RAVER2: variants seen among roughly 807,000 people sequenced by gnomAD.
RAVER2 encodes the protein ribonucleoprotein PTB-binding 2.
Under a neutral mutation model 78.1 loss-of-function variants are expected in RAVER2, and 46 were observed. That is an observed-to-expected ratio of 0.59 (90% CI 0.46 to 0.75). The LOEUF is 0.75. Among genes scored for constraint, RAVER2 ranks in the 30% least tolerant of loss-of-function variants. The pLI, the probability that RAVER2 is intolerant of heterozygous loss-of-function variation, is 0.00. For missense variants in RAVER2, 793 were observed against 837.5 expected, an observed-to-expected ratio of 0.95 and a Z score of 0.66; for synonymous variants, 311 against 313.3, an observed-to-expected ratio of 0.99 and a Z score of 0.08.
At chr1:64,824,903 C>T (rs1169974777) in intron 11 of RAVER2, among the ~76,000 whole-genome samples, 1 of 129,528 alleles carries the variant, frequency 7.7e-6, no homozygotes, top group East Asian at 2.4e-4. Context: ...TGCACTCCAG[C>T]TTGGGCAACA....
At chr1:64,792,395 A>T (rs1652968607) in intron 5 of RAVER2, among the ~76,000 whole-genome samples, 1 of 152,212 alleles carries the variant, frequency 6.6e-6, no homozygotes, top group Non-Finnish European at 1.5e-5. Flanking sequence ...GCAGTCCAAG[A>T]TTATGTATTA....
At chr1:64,759,514 C>T (rs1478672922) in intron 1 of RAVER2, among the ~76,000 whole-genome samples, 4 of 148,476 alleles carry the variant, frequency 2.7e-5, no homozygotes, top group East Asian at 2.0e-4. Context: ...CCACCGCGCC[C>T]GGCCTATTTA....
chr1:64,755,265 C>A (rs1570525825), intron 1 of RAVER2, among the ~76,000 whole-genome samples: 1 of 152,064 alleles, frequency 6.6e-6, no homozygotes, highest in East Asian at 1.9e-4. Flanking sequence ...TTTAGGGGTG[C>A]AACTCATTGT....
chr1:64,754,796 T>C (rs1371352556), intron 1 of RAVER2, among the ~76,000 whole-genome samples: 3 of 152,244 alleles, frequency 2.0e-5, no homozygotes, highest in South Asian at 2.1e-4. Flanking sequence ...GGACTTTACC[T>C]GAGTAGGGAC....
rs372786531 is a variant in RAVER2, at chr1:64,763,448, G to A, written c.250-5208G>A. Among the ~76,000 whole-genome samples, 27 of 152,220 alleles carry A rather than the reference G, an allele frequency of 1.8e-4. 1 individual carries two copies. The South Asian group carries it at 5.6e-3, about 32-fold the overall frequency. On this transcript the variant is annotated intron_variant, in intron 1 of 11. Coordinates refer to ENST00000294428, the Ensembl canonical transcript of RAVER2. ...TATAAGTCAAAGAAATACAAATTAA[G>A]GCCATAGTTGGATACACCATTCCCA...
chr1:64,791,477 A>G (rs1431773834), intron 5 of RAVER2, among the ~76,000 whole-genome samples: 1 of 151,962 alleles, frequency 6.6e-6, no homozygotes, highest in African/African-American at 2.4e-5. Flanking sequence ...TATCAAAGAC[A>G]CTCCTGTAAC....
chr1:64,828,059 C>T (rs1654040431), intron 11 of RAVER2, among the ~76,000 whole-genome samples: 1 of 152,150 alleles, frequency 6.6e-6, no homozygotes, highest in Admixed American at 6.5e-5. Flanking sequence ...CTGGAAGGGT[C>T]ACCACCTATC....
chr1:64,780,409 T>C (rs1319924677), intron 3 of RAVER2, among the ~76,000 whole-genome samples: 2 of 152,042 alleles, frequency 1.3e-5, no homozygotes, highest in Non-Finnish European at 2.9e-5. Context: ...GAAGAAGTAA[T>C]GTGAAGGAAA....
intron 3 of RAVER2, 84 bp downstream of exon 3, chr1:64,778,176 C>T: frequency 1.0e-6 from 1 of 1,001,026 alleles, no homozygotes; most frequent in South Asian, 1.9e-5. Context: ...ATTTATCATA[C>T]CTGTGTGATT....
At chr1:64,827,190 C>T (rs768492575) in intron 11 of RAVER2, among the ~76,000 whole-genome samples, 3 of 152,074 alleles carry the variant, frequency 2.0e-5, no homozygotes, top group Admixed American at 6.5e-5. Flanking sequence ...AGTCACTGTG[C>T]GTCTTAAGAT....
At chr1:64,788,779 G>A (rs1343890540) in intron 4 of RAVER2, among the ~76,000 whole-genome samples, 4 of 138,992 alleles carry the variant, frequency 2.9e-5, no homozygotes, top group African/African-American at 1.1e-4. Context: ...GTGACAGAGC[G>A]AGACTCCGTC....
chr1:64,804,512 C>T (rs951107636), intron 6 of RAVER2, among the ~76,000 whole-genome samples: 1 of 152,024 alleles, frequency 6.6e-6, no homozygotes, highest in Non-Finnish European at 1.5e-5. Context: ...GAGGAGGGAA[C>T]GAAGGATGAA....
intron 9 of RAVER2, among the ~76,000 whole-genome samples, chr1:64,811,893 T>C (rs1391800719): frequency 6.6e-6 from 1 of 152,222 alleles, no homozygotes; most frequent in African/African-American, 2.4e-5. Flanking sequence ...AAAAATATAC[T>C]GATATACATT....
At chr1:64,819,413 G>A (rs781055908) in intron 11 of RAVER2, among the ~76,000 whole-genome samples, 5 of 152,020 alleles carry the variant, frequency 3.3e-5, no homozygotes, top group Non-Finnish European at 7.4e-5. Context: ...CGGTTAACAT[G>A]AAGACAACTC....
chr1:64,774,462 G>A (rs1051293260), intron 2 of RAVER2, among the ~76,000 whole-genome samples: 1 of 152,114 alleles, frequency 6.6e-6, no homozygotes, highest in East Asian at 1.9e-4. Flanking sequence ...GTTTTGGCAG[G>A]TTTGTCAAAG....
At chr1:64,829,298 A>T (rs1654069685) in intron 11 of RAVER2, among the ~76,000 whole-genome samples, 1 of 152,216 alleles carries the variant, frequency 6.6e-6, no homozygotes, top group Admixed American at 6.5e-5. Context: ...TCCCAGAGTG[A>T]GCAGTCTGCT....
intron 1 of RAVER2, among the ~76,000 whole-genome samples, chr1:64,765,964 A>C (rs1652163150): frequency 6.6e-6 from 1 of 152,196 alleles, no homozygotes; most frequent in African/African-American, 2.4e-5. Context: ...GCCATGCTTC[A>C]TCAAGGAGGT....
At chr1:64,786,842 A>G (rs1652794420) in intron 4 of RAVER2, among the ~76,000 whole-genome samples, 2 of 152,154 alleles carry the variant, frequency 1.3e-5, no homozygotes, top group South Asian at 2.1e-4. Flanking sequence ...ATATTCTACT[A>G]TTTAACCTAT....
At chr1:64,752,099 C>A (rs1158958860) in intron 1 of RAVER2, among the ~76,000 whole-genome samples, 1 of 152,154 alleles carries the variant, frequency 6.6e-6, no homozygotes. Context: ...TGAATAGCTT[C>A]CATTTGCTCT....
Sources: gnomAD v4.1 joint callset for allele counts (sites outside exome capture counted in the v4.1 genomes callset) on GRCh38, gnomAD v4.1.1 for gene constraint, MANE v1.5 for transcripts, NCBI Gene and HGNC (gene_info 2026-07-23, HGNC 2026-07-21) for gene names.